The following SORCS3 variants were observed in gnomAD, a reference collection of about 807,000 sequenced individuals.
SORCS3 encodes VPS10 domain-containing receptor SorCS3.
In SORCS3, 57 loss-of-function variants were observed where a neutral mutation model predicts 146.3. The ratio of observed to expected loss-of-function variants is 0.39; its 90% CI spans 0.31 to 0.49. The LOEUF (loss-of-function observed/expected upper bound fraction) is 0.49, where lower values mean the gene tolerates loss of function less well. Among genes scored for constraint, SORCS3 ranks in the 20% least tolerant of loss-of-function variants. The pLI, the probability that SORCS3 is intolerant of heterozygous loss-of-function variation, is 0.92. For missense variants in SORCS3, 1,341 were observed against 1,575.5 expected, an observed-to-expected ratio of 0.85 and a Z score of 2.52; for synonymous variants, 653 against 618.5, an observed-to-expected ratio of 1.06 and a Z score of -0.83.
At chr10:104,956,425 T>C (rs1309552049) in intron 3 of SORCS3, among the ~76,000 whole-genome samples, 1 of 152,222 alleles carries the variant, frequency 6.6e-6, no homozygotes, top group Non-Finnish European at 1.5e-5. Flanking sequence ...AAACTGATTC[T>C]CTGTGTTTGC....
chr10:104,829,314 T>A (rs1342235958), intron 1 of SORCS3, among the ~76,000 whole-genome samples: 1 of 151,984 alleles, frequency 6.6e-6, no homozygotes, highest in East Asian at 1.9e-4. Flanking sequence ...GAACATAGAT[T>A]AAGGGAAAAT....
chr10:104,732,902 G>A (rs2133454059), intron 1 of SORCS3, among the ~76,000 whole-genome samples: 1 of 152,266 alleles, frequency 6.6e-6, no homozygotes, highest in Middle Eastern at 3.4e-3. Flanking sequence ...CAGTCCTCAG[G>A]GGAGAAGGAG....
chr10:105,202,240 A>G (rs1589686266), intron 16 of SORCS3, among the ~76,000 whole-genome samples: 1 of 152,048 alleles, frequency 6.6e-6, no homozygotes, highest in Non-Finnish European at 1.5e-5. Flanking sequence ...TTAAAATCTA[A>G]TCTTCTTTCC....
intron 16 of SORCS3, among the ~76,000 whole-genome samples, chr10:105,207,272 TTTA>T (rs6144063): frequency 0.21 from 30,516 of 146,942 alleles, 5,047 homozygotes; most frequent in African/African-American, 0.46. Context: ...CATGCAGAGG[TTTA>T]TTATTATTAT....
chr10:104,842,303 G>A (rs968242455), intron 1 of SORCS3, among the ~76,000 whole-genome samples: 8 of 152,208 alleles, frequency 5.3e-5, no homozygotes, highest in Non-Finnish European at 1.2e-4. Flanking sequence ...TGCCTGCCAA[G>A]GCCCTGTTGA....
chr10:105,201,028 G>A (rs1243104590), intron 15 of SORCS3, 92 bp from the exon 16 acceptor site: 2 of 1,397,314 alleles, frequency 1.4e-6, no homozygotes, highest in Non-Finnish European at 1.9e-6. Context: ...ACCTAAATGA[G>A]AATGAACAGG....
chr10:105,189,227 A>G (rs1410192244), intron 14 of SORCS3, among the ~76,000 whole-genome samples: 2 of 152,154 alleles, frequency 1.3e-5, no homozygotes, highest in East Asian at 1.9e-4. Context: ...CTAGCGCCCT[A>G]GTATTTCTGA....
In SORCS3 at chr10:104,751,924, CATATATATATATATATATATATAT is replaced by C. The variant is rs71482435; in HGVS notation, c.628-90846_628-90823del. 6.2e-4 allele frequency among the ~76,000 whole-genome samples: 24 copies of C among 38,452 alleles called. 1 individual carries two copies. The East Asian group carries it at 7.5e-3, about 12-fold the overall frequency. The allele number at this position is 38,452 out of a possible 152,430, so 25.2% of individuals were successfully genotyped here. ...AAAAAATGTAAATGCTAATAGGAAG[CATATATATATATATATATATATAT>C]ATATATATATATATATATATAATAG... On this transcript the variant is annotated intron_variant, in intron 1 of 26. Transcript: ENST00000369701.
chr10:104,853,963 T>C (rs58389811), intron 2 of SORCS3, among the ~76,000 whole-genome samples: 16,061 of 152,232 alleles, frequency 0.11, 1,009 homozygotes, highest in South Asian at 0.26. Context: ...TGGTGGATGA[T>C]GAACCCGAGA....
intron 1 of SORCS3, among the ~76,000 whole-genome samples, chr10:104,759,523 G>T (rs2017095709): frequency 6.6e-6 from 1 of 152,142 alleles, no homozygotes; most frequent in Non-Finnish European, 1.5e-5. Flanking sequence ...ATAATATTCT[G>T]CTGAGATTGC....
rs1405608994 is a variant in SORCS3, at chr10:104,818,354, CTCCTTTCT to C, written c.628-24432_628-24425del. Among the ~76,000 whole-genome samples, 73 of 78,654 alleles carry C rather than the reference CTCCTTTCT, an allele frequency of 9.3e-4. 1 individual carries two copies. In the South Asian group the frequency reaches 0.019, roughly 20 times the overall value. The allele number at this position is 78,654 out of a possible 152,430, so 51.6% of individuals were successfully genotyped here. A position where few individuals can be genotyped will look rare whatever the true frequency, so the allele number is the denominator to read the frequency against. On this transcript the variant is annotated intron_variant, in intron 1 of 26. Coordinates refer to ENST00000369701, the MANE Select transcript of SORCS3 (RefSeq NM_014978.3). Reference sequence around the variant, plus strand: ...ACAATTTTTCTTCTCTTTCTTTCTTCTCCTTTCTTCCTTCCTTCCTTCCTTCCTTCCTT... The same window carrying C: ...ACAATTTTTCTTCTCTTTCTTTCTTCTCCTTCCTTCCTTCCTTCCTTCCTT...
intron 14 of SORCS3, among the ~76,000 whole-genome samples, chr10:105,192,351 C>A (rs1426746925): frequency 6.6e-6 from 1 of 151,934 alleles, no homozygotes; most frequent in African/African-American, 2.4e-5. Flanking sequence ...TAAGCCATCC[C>A]AAGCAGAGGA....
intron 2 of SORCS3, among the ~76,000 whole-genome samples, chr10:104,905,101 C>G (rs773823302): frequency 6.6e-6 from 1 of 152,292 alleles, no homozygotes; most frequent in South Asian, 2.1e-4. Flanking sequence ...CCCTACTACT[C>G]GGGTCTGTTG....
At chr10:104,948,343 G>C (rs535036065) in intron 3 of SORCS3, among the ~76,000 whole-genome samples, 2 of 152,296 alleles carry the variant, frequency 1.3e-5, no homozygotes, top group South Asian at 2.1e-4. Context: ...GTCATTACCA[G>C]TAAAATCAGA....
At chr10:104,920,257 A>C (rs758973572) in intron 3 of SORCS3, among the ~76,000 whole-genome samples, 1 of 152,244 alleles carries the variant, frequency 6.6e-6, no homozygotes, top group African/African-American at 2.4e-5. Context: ...GAATACATCA[A>C]ATGAGATCTG....
At chr10:104,873,959 C>T (rs1183005420) in intron 2 of SORCS3, among the ~76,000 whole-genome samples, 1 of 152,154 alleles carries the variant, frequency 6.6e-6, no homozygotes, top group Non-Finnish European at 1.5e-5. Flanking sequence ...TCATCTGCTC[C>T]ACTAAGTCTT....
At chr10:104,957,816 C>T (rs561219657) in intron 3 of SORCS3, among the ~76,000 whole-genome samples, 1 of 152,260 alleles carries the variant, frequency 6.6e-6, no homozygotes, top group Non-Finnish European at 1.5e-5. Flanking sequence ...ATTACAGAGA[C>T]TACCTGCCTG....
chr10:104,855,358 A>G (rs1338405345), intron 2 of SORCS3, among the ~76,000 whole-genome samples: 1 of 152,180 alleles, frequency 6.6e-6, no homozygotes, highest in East Asian at 1.9e-4. Context: ...CCAAAATCAA[A>G]ACCCTGGTGG....
intron 7 of SORCS3, among the ~76,000 whole-genome samples, chr10:105,134,679 G>C (rs2056046721): frequency 6.6e-6 from 1 of 151,906 alleles, no homozygotes; most frequent in Non-Finnish European, 1.5e-5. Flanking sequence ...TCTTAATACT[G>C]TTGCAATGGG....
Sources: allele counts gnomAD v4.1 joint callset (sites outside exome capture counted in the v4.1 genomes callset), GRCh38; gene constraint gnomAD v4.1.1; transcripts MANE v1.5; gene names NCBI Gene and HGNC (gene_info 2026-07-23, HGNC 2026-07-21).